The following MYO5A variants were observed in gnomAD, a reference collection of about 807,000 sequenced individuals.
MYO5A encodes myosin VA, also known as unconventional myosin-Va.
A neutral mutation model predicts 249.7 loss-of-function variants in MYO5A; 98 were observed. That is an observed-to-expected ratio of 0.39 (90% CI 0.33 to 0.46). The LOEUF (loss-of-function observed/expected upper bound fraction) is 0.46, where lower values mean the gene tolerates loss of function less well. Ranked by LOEUF, MYO5A falls within the 20% of genes least tolerant of loss-of-function variation. The pLI is 0.98. For synonymous variants in MYO5A, 778 were observed against 810.6 expected (o/e 0.96, Z 0.68); for missense variants, 1,696 against 2,308.8 (o/e 0.73, Z 5.44).
In MYO5A at chr15:52,337,715, T is replaced by C. The variant is rs985134611; in HGVS notation, c.4314+95A>G. Reference sequence around the variant, plus strand: ...GGTTTCGTGAAAATTTTGAAGAGACTTCCTGGGAGGGGGCAGGCAGCAGTG... The same window carrying C: ...GGTTTCGTGAAAATTTTGAAGAGACCTCCTGGGAGGGGGCAGGCAGCAGTG... On this transcript the variant is annotated intron_variant, in intron 33 of 41. Transcript: ENST00000399233. 5 of 911,482 alleles carry C rather than the reference T, an allele frequency of 5.5e-6. No homozygotes were observed. The African/African-American group carries it at 8.4e-5, about 15-fold the overall frequency. 56.5% of individuals were successfully genotyped at this position (911,482 alleles called of 1,614,324 possible). A position where few individuals can be genotyped will look rare whatever the true frequency, so the allele number is the denominator to read the frequency against.
chr15:52,362,911 CATTTT>C (rs2040606548), intron 24 of MYO5A, among the ~76,000 whole-genome samples: 1 of 152,206 alleles, frequency 6.6e-6, no homozygotes, highest in African/African-American at 2.4e-5. Flanking sequence ...CTGCTTCTCT[CATTTT>C]ATTTTCTGAA....
chr15:52,442,564 C>T (rs563741779), intron 1 of MYO5A, among the ~76,000 whole-genome samples: 218 of 152,200 alleles, frequency 1.4e-3, no homozygotes, highest in African/African-American at 5.1e-3. Context: ...TTTTGTGTGC[C>T]AGTAGAGGCC....
At chr15:52,499,216 A>G (rs1046758695) in intron 1 of MYO5A, among the ~76,000 whole-genome samples, 2 of 152,240 alleles carry the variant, frequency 1.3e-5, no homozygotes, top group Admixed American at 1.3e-4. Context: ...ACCATAAGAC[A>G]TTAAAGATAT....
chr15:52,431,684 T>TAAA (rs56264450), intron 2 of MYO5A, among the ~76,000 whole-genome samples: 1 of 140,598 alleles, frequency 7.1e-6, no homozygotes, highest in Non-Finnish European at 1.5e-5. Flanking sequence ...GTGCTATATC[T>TAAA]AAAAAAAAAA....
intron 1 of MYO5A, among the ~76,000 whole-genome samples, chr15:52,476,145 T>A (rs1479010404): frequency 6.6e-6 from 1 of 152,256 alleles, no homozygotes; most frequent in Non-Finnish European, 1.5e-5. Flanking sequence ...CATTATGTAA[T>A]GGCCTTCTTT....
At chr15:52,454,372 A>G (rs1038207978) in intron 1 of MYO5A, among the ~76,000 whole-genome samples, 4 of 152,136 alleles carry the variant, frequency 2.6e-5, no homozygotes, top group Non-Finnish European at 5.9e-5. Context: ...TATAGCAAAC[A>G]TTAATAGGTC....
intron 33 of MYO5A, 42 bp downstream of exon 33, chr15:52,337,768 T>C (rs972736976): frequency 7.0e-7 from 1 of 1,419,580 alleles, no homozygotes; most frequent in Non-Finnish European, 9.6e-7. Flanking sequence ...GGGCTATAAG[T>C]AGCAAGGGAA....
intron 4 of MYO5A, among the ~76,000 whole-genome samples, chr15:52,422,977 G>A (rs1043707633): frequency 1.3e-5 from 2 of 152,118 alleles, no homozygotes; most frequent in Non-Finnish European, 2.9e-5. Flanking sequence ...CCTGAACTCC[G>A]AGGCTTAAGT....
chr15:52,528,460 G>A (rs964419936), intron 1 of MYO5A, among the ~76,000 whole-genome samples: 1 of 152,228 alleles, frequency 6.6e-6, no homozygotes, highest in Non-Finnish European at 1.5e-5. Flanking sequence ...AAGCAGGAGG[G>A]GAGGCACGCC....
chr15:52,335,438 C>A (rs1487250752), intron 34 of MYO5A, among the ~76,000 whole-genome samples: 2 of 149,424 alleles, frequency 1.3e-5, no homozygotes, highest in African/African-American at 5.0e-5. Flanking sequence ...ATTGCTTGAA[C>A]CCGGGAAGCA....
intron 39 of MYO5A, among the ~76,000 whole-genome samples, chr15:52,318,456 C>CA (rs35901511): frequency 0.7 from 61,876 of 87,962 alleles, 21,540 homozygotes; most frequent in East Asian, 0.87. Context: ...AACTCCATCT[C>CA]AAAAAAAAAA....
chr15:52,378,995 C>T (rs1374563514), intron 18 of MYO5A, among the ~76,000 whole-genome samples: 1 of 152,214 alleles, frequency 6.6e-6, no homozygotes, highest in Non-Finnish European at 1.5e-5. Flanking sequence ...CTAACCATTT[C>T]TCTACTGTCC....
intron 11 of MYO5A, 116 bp from the exon 12 acceptor site, chr15:52,392,186 CG>C: frequency 3.0e-6 from 3 of 997,984 alleles, no homozygotes; most frequent in Non-Finnish European, 4.5e-6. Context: ...AACAACCTCA[CG>C]GGAGAAGCAT....
chr15:52,351,580 A>G, intron 27 of MYO5A, 99 bp from the exon 28 acceptor site: 3 of 1,159,646 alleles, frequency 2.6e-6, no homozygotes, highest in Non-Finnish European at 3.8e-6. Context: ...CTGCTGAAAA[A>G]GTTCATCAGA....
At position 52,353,624 on chromosome 15, in the gene MYO5A, A is replaced by G; in HGVS notation, c.3602T>C (p.Leu1201Pro). 6.2e-7 allele frequency: 1 copy of G among 1,614,046 alleles called. No individual in the cohort carries two copies. Among genetic ancestry groups the G allele is most frequent in the South Asian group, 1.1e-5 (1 of 91,080 alleles). The change falls in exon 27 of 42, where the codon CTG becomes CCG. Residue 1201 changes from leucine (L) to proline (P), a missense_variant. Physicochemically the swap from Leu to Pro is moderately conservative, Grantham distance 98. Around this residue, in one of 5 missense-constraint regions of MYO5A, gnomAD observed 625 missense variants for 908.1 expected, o/e 0.69. Coordinates refer to ENST00000399233, the MANE Select transcript of MYO5A (RefSeq NM_001382347.1). ...CATTACCTTGAGTGACTCATATTCC[A>G]GTTCTGCACCTCTAATTTGTGGTCT... ...EERPQIRGAE[L>P]EYESLKRQEL...
chr15:52,502,148 C>T (rs531781715), intron 1 of MYO5A, among the ~76,000 whole-genome samples: 16 of 151,948 alleles, frequency 1.1e-4, no homozygotes, highest in South Asian at 2.1e-4. Context: ...CCGGGCATGG[C>T]GGCACACACC....
At chr15:52,321,220 G>T (rs868404697) in intron 38 of MYO5A, 139 bp downstream of exon 38, 9 of 1,089,104 alleles carry the variant, frequency 8.3e-6, no homozygotes, top group Admixed American at 7.8e-5. Context: ...GGGATTCCTC[G>T]GCTAATTTTA....
chr15:52,321,309 G>A (rs1406410346), intron 38 of MYO5A, 50 bp downstream of exon 38: 2 of 1,611,168 alleles, frequency 1.2e-6, no homozygotes, highest in Non-Finnish European at 1.7e-6. Context: ...ACTTATCGAT[G>A]GGCATGAATG....
At chr15:52,330,232 C>T in intron 35 of MYO5A, 121 bp downstream of exon 35, 1 of 1,316,340 alleles carries the variant, frequency 7.6e-7, no homozygotes, top group Non-Finnish European at 1.1e-6. Context: ...CACTAGAATA[C>T]ATGGTATCTG....
Sources: gnomAD v4.1 joint callset for allele counts (sites outside exome capture counted in the v4.1 genomes callset) on GRCh38, gnomAD v4.1.1 for gene constraint, gnomAD v4.1.1 regional missense constraint, MANE v1.5 for transcripts, NCBI Gene and HGNC (gene_info 2026-07-23, HGNC 2026-07-21) for gene names.